WWOX: variants seen among roughly 807,000 people sequenced by gnomAD.
WWOX encodes the protein WW domain-containing oxidoreductase.
WWOX carries 69 observed loss-of-function variants against 46.2 expected under a neutral mutation model. That is an observed-to-expected ratio of 1.49 (90% CI 1.23 to 1.82). The LOEUF (loss-of-function observed/expected upper bound fraction) is 1.82, where lower values mean the gene tolerates loss of function less well. WWOX is among the 40% of genes most tolerant of loss of function. WWOX has a pLI of 0.00. For synonymous variants in WWOX, 359 were observed against 202.6 expected (o/e 1.77, Z -6.56); for missense variants, 919 against 542.6 (o/e 1.69, Z -6.89).
intron 5 of WWOX, among the ~76,000 whole-genome samples, chr16:78,380,972 T>C (rs1232899260): frequency 1.3e-5 from 2 of 152,014 alleles, no homozygotes; most frequent in African/African-American, 4.8e-5. Flanking sequence ...ATCTTCACTC[T>C]AACCATAGAA....
intron 8 of WWOX, among the ~76,000 whole-genome samples, chr16:78,923,709 T>A (rs550859320): frequency 6.6e-6 from 1 of 151,664 alleles, no homozygotes; most frequent in South Asian, 2.1e-4. Context: ...AAAAAGTAGT[T>A]TTTATCTGCC....
At chr16:78,820,281 C>G (rs909285068) in intron 8 of WWOX, among the ~76,000 whole-genome samples, 2 of 152,192 alleles carry the variant, frequency 1.3e-5, no homozygotes, top group African/African-American at 4.8e-5. Context: ...CCAGAATGTC[C>G]TTTCCATGTG....
chr16:78,340,698 G>T (rs1360077320), intron 5 of WWOX, among the ~76,000 whole-genome samples: 3 of 119,564 alleles, frequency 2.5e-5, no homozygotes, highest in East Asian at 1.9e-4. Context: ...CATGTGTCCT[G>T]TTGGCAGAAC....
intron 8 of WWOX, among the ~76,000 whole-genome samples, chr16:79,047,513 C>T (rs920315003): frequency 6.6e-6 from 1 of 152,082 alleles, no homozygotes; most frequent in Non-Finnish European, 1.5e-5. Flanking sequence ...CAAATACCTG[C>T]ATCCTGTCTT....
chr16:79,054,177 C>G (rs772614919), intron 8 of WWOX, among the ~76,000 whole-genome samples: 3 of 152,116 alleles, frequency 2.0e-5, no homozygotes, highest in Admixed American at 6.5e-5. Flanking sequence ...GCTGCATGTA[C>G]CAATATATAG....
chr16:78,771,284 G>A (rs1166460132), intron 8 of WWOX, among the ~76,000 whole-genome samples: 1 of 152,136 alleles, frequency 6.6e-6, no homozygotes, highest in Non-Finnish European at 1.5e-5. Context: ...CTGAAACAGG[G>A]TATCCAGTTA....
At chr16:78,210,603 C>T (rs1331746853) in intron 5 of WWOX, among the ~76,000 whole-genome samples, 1 of 152,192 alleles carries the variant, frequency 6.6e-6, no homozygotes, top group African/African-American at 2.4e-5. Context: ...TGACACACTG[C>T]TTAGTCACCC....
Position 78,111,682 on chromosome 16 carries a change from G to C in WWOX, c.230+1847G>C, listed in dbSNP as rs185240229. The C allele has an allele frequency of 4.4e-3, 671 of 153,726 alleles. 7 individuals are homozygous for C. The highest frequency in any genetic ancestry group is 0.015 in the African/African-American group (630 of 41,590). The allele number at this position is 153,726 out of a possible 1,614,324, so 9.5% of individuals were successfully genotyped here. ...CATCCGGAGGCCTAAACCCCTCCCTGTGGTGCTGTGTTTCAATGGTCACGT... is the reference window on the plus strand; with the variant it reads ...CATCCGGAGGCCTAAACCCCTCCCTCTGGTGCTGTGTTTCAATGGTCACGT... On this transcript the variant is annotated intron_variant, in intron 3 of 8. Transcript: ENST00000566780.
intron 8 of WWOX, among the ~76,000 whole-genome samples, chr16:78,785,878 C>G (rs931990226): frequency 2.8e-5 from 4 of 141,680 alleles, no homozygotes; most frequent in African/African-American, 1.0e-4. Context: ...GAGCGACACA[C>G]TTTTGAATTT....
At chr16:78,144,448 C>CATATATATAT (rs1447794716) in intron 4 of WWOX, among the ~76,000 whole-genome samples, 2 of 17,576 alleles carry the variant, frequency 1.1e-4, no homozygotes, top group Admixed American at 1.3e-3. Flanking sequence ...TATATATATA[C>CATATATATAT]ACATATATAT....
At chr16:78,695,088 T>A (rs1187878000) in intron 8 of WWOX, among the ~76,000 whole-genome samples, 1 of 152,192 alleles carries the variant, frequency 6.6e-6, no homozygotes, top group African/African-American at 2.4e-5. Flanking sequence ...TGCCTGCTAC[T>A]TTCATTTACC....
intron 8 of WWOX, among the ~76,000 whole-genome samples, chr16:78,587,193 C>CTTTTTTTTTTTTTTTTTTTTTT (rs528293412): frequency 2.7e-5 from 3 of 112,908 alleles, no homozygotes; most frequent in African/African-American, 1.0e-4. Context: ...GCCTGGCTAA[C>CTTTTTTTTTTTTTTTTTTTTTT]TTTTTTTTTT....
chr16:78,260,551 C>G (rs9924333), intron 5 of WWOX, among the ~76,000 whole-genome samples: 3 of 151,294 alleles, frequency 2.0e-5, no homozygotes, highest in African/African-American at 7.3e-5. Context: ...GCCTGTAATC[C>G]CACCTACTTG....
intron 8 of WWOX, among the ~76,000 whole-genome samples, chr16:78,978,299 A>T (rs1229538717): frequency 1.3e-5 from 2 of 152,236 alleles, no homozygotes; most frequent in Non-Finnish European, 2.9e-5. Context: ...TGCTGCTGTG[A>T]ATAATTGCAT....
chr16:78,574,110 AC>A, intron 8 of WWOX, among the ~76,000 whole-genome samples: 1 of 152,104 alleles, frequency 6.6e-6, no homozygotes, highest in East Asian at 1.9e-4. Flanking sequence ...GGCTGGAGGT[AC>A]CCCTCAGCTC....
intron 5 of WWOX, among the ~76,000 whole-genome samples, chr16:78,381,787 A>G (rs1263587513): frequency 2.0e-5 from 3 of 152,186 alleles, no homozygotes; most frequent in Non-Finnish European, 2.9e-5. Context: ...AGGTGGGAAG[A>G]TAAATGGATA....
chr16:78,456,734 C>T (rs1330775015), intron 8 of WWOX, among the ~76,000 whole-genome samples: 3 of 152,212 alleles, frequency 2.0e-5, no homozygotes, highest in Non-Finnish European at 2.9e-5. Context: ...AGAATATCCA[C>T]ATGTCTCAGT....
chr16:78,534,399 C>G (rs1265966632), intron 8 of WWOX: 1 of 152,216 alleles, frequency 6.6e-6, no homozygotes, highest in Non-Finnish European at 1.5e-5. Flanking sequence ...AAACAACCAA[C>G]TGAAAACCAT....
At chr16:78,514,314 G>C (rs566667881) in intron 8 of WWOX, among the ~76,000 whole-genome samples, 1 of 152,286 alleles carries the variant, frequency 6.6e-6, no homozygotes, top group Non-Finnish European at 1.5e-5. Flanking sequence ...ATGTGCAACA[G>C]CTGCCATTGA....
Sources: allele counts gnomAD v4.1 joint callset (sites outside exome capture counted in the v4.1 genomes callset), GRCh38; gene constraint gnomAD v4.1.1; transcripts MANE v1.5; gene names NCBI Gene and HGNC (gene_info 2026-07-23, HGNC 2026-07-21).